Variants in ASAP1 observed in about 807,000 individuals in gnomAD.
ASAP1 encodes the protein arf-GAP with SH3 domain, ANK repeat and PH domain-containing protein 1.
Under a neutral mutation model 145.2 loss-of-function variants are expected in ASAP1, and 43 were observed. That is an observed-to-expected ratio of 0.30 (90% CI 0.23 to 0.38). The LOEUF is 0.38. Ranked by LOEUF, ASAP1 falls within the 10% of genes least tolerant of loss-of-function variation. The pLI is 1.00. For synonymous variants in ASAP1, 546 were observed against 515.5 expected (o/e 1.06, Z -0.80); for missense variants, 1,018 against 1,355.3 (o/e 0.75, Z 3.91).
intron 11 of ASAP1, chr8:130,167,314 GA>G (rs78363913): frequency 0.5 from 250,329 of 496,784 alleles, 46,257 homozygotes; most frequent in African/African-American, 0.8. Context: ...AAAGAAAAAA[GA>G]AAAAAAAAAA....
chr8:130,414,122 CAGG>C lies in ASAP1; in HGVS notation c.-27-12155_-27-12153del, dbSNP rs1260679111. Among the ~76,000 whole-genome samples the C allele has an allele frequency of 2.6e-5, 4 of 152,290 alleles. No homozygotes were observed. In the East Asian group the frequency reaches 7.7e-4, roughly 29 times the overall value. On this transcript the variant is annotated intron_variant, in intron 1 of 29. Transcript: ENST00000518721. ...AGCAGCTTCTGGTTTTGAGGATGAA[CAGG>C]AGTACACCAGACAGAAAGGTAGGAA...
rs146968939 is a variant in ASAP1, at chr8:130,101,869, G to A, written c.2402-9726C>T. On this transcript the variant is annotated intron_variant, in intron 24 of 29. Transcript: ENST00000518721. ...ATTACAGGCATGAAGCATCACACCC[G>A]GCTTTTTCTTGATTTTTTAAAGCTA... Among the ~76,000 whole-genome samples the A allele has an allele frequency of 4.4e-4, 66 of 150,076 alleles. 1 individual carries two copies. The highest frequency in any genetic ancestry group is 8.8e-4 in the African/African-American group (36 of 40,842).
intron 24 of ASAP1, among the ~76,000 whole-genome samples, chr8:130,105,303 T>A (rs1169193356): frequency 6.6e-6 from 1 of 152,088 alleles, no homozygotes; most frequent in Non-Finnish European, 1.5e-5. Context: ...AATCTAGAGG[T>A]GATTTAAAGT....
At chr8:130,238,070 A>T (rs1252050067) in intron 3 of ASAP1, among the ~76,000 whole-genome samples, 1 of 152,144 alleles carries the variant, frequency 6.6e-6, no homozygotes, top group African/African-American at 2.4e-5. Context: ...TTCCCTGAAG[A>T]AGCCGAAAGG....
chr8:130,075,978 G>T (rs137904807), intron 27 of ASAP1, among the ~76,000 whole-genome samples: 3 of 152,294 alleles, frequency 2.0e-5, no homozygotes, highest in Non-Finnish European at 4.4e-5. Context: ...GGAATCTCAG[G>T]TTTAGTGAAG....
chr8:130,348,771 C>T (rs113035970), intron 3 of ASAP1, among the ~76,000 whole-genome samples: 4 of 152,330 alleles, frequency 2.6e-5, no homozygotes, highest in African/African-American at 7.2e-5. Context: ...AAACTGTAAT[C>T]AGTAAAGCAC....
intron 2 of ASAP1, among the ~76,000 whole-genome samples, chr8:130,382,755 G>A (rs922992249): frequency 6.6e-5 from 10 of 152,160 alleles, no homozygotes; most frequent in African/African-American, 2.2e-4. Context: ...TGAGGCAGGA[G>A]AATTGCTTGA....
At chr8:130,381,626 G>C (rs544798744) in intron 2 of ASAP1, among the ~76,000 whole-genome samples, 1 of 152,138 alleles carries the variant, frequency 6.6e-6, no homozygotes, top group African/African-American at 2.4e-5. Context: ...AGCTAGAAAA[G>C]AATCACTACG....
chr8:130,355,577 T>C (rs1467455514), intron 3 of ASAP1, among the ~76,000 whole-genome samples: 1 of 152,224 alleles, frequency 6.6e-6, no homozygotes, highest in Non-Finnish European at 1.5e-5. Flanking sequence ...ATATCTCAGT[T>C]GTGAAGCATA....
rs572734126 is a variant in ASAP1 at position 130,336,100 on chromosome 8, A to C, written c.186+21917T>G. 2.0e-5 allele frequency among the ~76,000 whole-genome samples: 3 copies of C among 152,342 alleles called. No individual in the cohort carries two copies. The East Asian group carries it at 5.8e-4, about 29-fold the overall frequency. Reference sequence around the variant, plus strand: ...TACCAGAGATAGACACCTGGGATTAAGATAATGCAAAACAAAGTTTCAGAA... The same window carrying C: ...TACCAGAGATAGACACCTGGGATTACGATAATGCAAAACAAAGTTTCAGAA... On this transcript the variant is annotated intron_variant, in intron 3 of 29. Transcript: ENST00000518721.
intron 3 of ASAP1, among the ~76,000 whole-genome samples, chr8:130,292,580 A>G (rs1822012138): frequency 2.0e-5 from 3 of 152,196 alleles, no homozygotes; most frequent in African/African-American, 7.2e-5. Flanking sequence ...ATTGTTCAAG[A>G]GGTGATTATT....
intron 3 of ASAP1, among the ~76,000 whole-genome samples, chr8:130,312,460 A>G (rs940643979): frequency 6.6e-6 from 1 of 151,824 alleles, no homozygotes; most frequent in South Asian, 2.1e-4. Flanking sequence ...GGGGAAAAAA[A>G]ACCCATTAGG....
At chr8:130,247,090 CACTG>C (rs752200489) in intron 3 of ASAP1, 4 of 152,226 alleles carry the variant, frequency 2.6e-5, no homozygotes, top group Non-Finnish European at 5.9e-5. Context: ...GGCTACCACA[CACTG>C]ACTGTGTGAC....
intron 2 of ASAP1, among the ~76,000 whole-genome samples, chr8:130,394,823 T>C (rs1016249104): frequency 3.9e-5 from 6 of 152,062 alleles, no homozygotes; most frequent in Non-Finnish European, 7.4e-5. Context: ...GATAACTCTG[T>C]CTCAAAACAA....
At chr8:130,266,549 A>G (rs948683337) in intron 3 of ASAP1, among the ~76,000 whole-genome samples, 1 of 152,196 alleles carries the variant, frequency 6.6e-6, no homozygotes, top group Non-Finnish European at 1.5e-5. Context: ...AATGACTCAC[A>G]TCAGGCCATA....
intron 3 of ASAP1, among the ~76,000 whole-genome samples, chr8:130,325,295 G>A (rs1285034983): frequency 6.6e-6 from 1 of 152,178 alleles, no homozygotes; most frequent in Non-Finnish European, 1.5e-5. Context: ...AAAGCAAAGA[G>A]AATTCCTAAA....
At chr8:130,264,793 A>G (rs1169173211) in intron 3 of ASAP1, among the ~76,000 whole-genome samples, 1 of 152,162 alleles carries the variant, frequency 6.6e-6, no homozygotes, top group Non-Finnish European at 1.5e-5. Flanking sequence ...AGTAAACCAC[A>G]ATGTCAACAC....
intron 15 of ASAP1, among the ~76,000 whole-genome samples, chr8:130,131,603 G>GAAAAAAAAA (rs1159191172): frequency 6.3e-5 from 4 of 63,102 alleles, no homozygotes; most frequent in African/African-American, 1.6e-4. Context: ...CATGGCTACT[G>GAAAAAAAAA]AAAAAAAAAA....
chr8:130,409,508 G>T (rs1370201294), intron 1 of ASAP1, among the ~76,000 whole-genome samples: 1 of 152,144 alleles, frequency 6.6e-6, no homozygotes, highest in African/African-American at 2.4e-5. Flanking sequence ...TGGCCAGCAT[G>T]CATGTGTTTG....
Sources: allele counts gnomAD v4.1 joint callset (sites outside exome capture counted in the v4.1 genomes callset), GRCh38; gene constraint gnomAD v4.1.1; transcripts MANE v1.5; gene names NCBI Gene and HGNC (gene_info 2026-07-23, HGNC 2026-07-21).